Variants in PKP4 observed in about 807,000 individuals in gnomAD.
PKP4 encodes plakophilin 4.
Under a neutral mutation model 145.1 loss-of-function variants are expected in PKP4, and 90 were observed. The observed-to-expected ratio is 0.62, with a 90% CI of 0.52 to 0.74. The LOEUF (loss-of-function observed/expected upper bound fraction) is 0.74, where lower values mean the gene tolerates loss of function less well. Ranked by LOEUF, PKP4 falls within the 30% of genes least tolerant of loss-of-function variation. The pLI is 0.00. For synonymous variants in PKP4, 563 were observed against 577.2 expected (o/e 0.98, Z 0.35); for missense variants, 1,340 against 1,482.7 (o/e 0.90, Z 1.58).
intron 1 of PKP4, among the ~76,000 whole-genome samples, chr2:158,471,555 C>G (rs1233317353): frequency 6.6e-6 from 1 of 152,224 alleles, no homozygotes; most frequent in Non-Finnish European, 1.5e-5. Context: ...GTGCACATCA[C>G]TGCAGTAGCA....
At chr2:158,462,524 G>C (rs1169684428) in intron 1 of PKP4, among the ~76,000 whole-genome samples, 3 of 151,854 alleles carry the variant, frequency 2.0e-5, no homozygotes, top group African/African-American at 4.8e-5. Flanking sequence ...TAATTGTTTT[G>C]TTTTAAAACA....
rs530780198 is a variant in PKP4 at position 158,633,874 on chromosome 2, TAAC to T, written c.1343-193_1343-191del. ...CTTTTGCTGTTTCTTGCTAAAAAAT[TAAC>T]AAAATATTTATGTACATTAAAAACT... On this transcript the variant is annotated intron_variant, in intron 8 of 21. Coordinates refer to ENST00000389759, the MANE Select transcript of PKP4 (RefSeq NM_003628.6). 1.9e-3 allele frequency among the ~76,000 whole-genome samples: 282 copies of T among 152,334 alleles called. 1 individual carries two copies. The highest frequency in any genetic ancestry group is 3.7e-3 in the Non-Finnish European group (251 of 68,032).
At chr2:158,607,567 T>TG in intron 4 of PKP4, among the ~76,000 whole-genome samples, 1 of 151,982 alleles carries the variant, frequency 6.6e-6, no homozygotes. Context: ...GCTGGAGCAG[T>TG]GGGAGGGGCT....
rs1018830442 is a variant in PKP4 at position 158,472,700 on chromosome 2, TAGAGA to T, written c.-6+15484_-6+15488del. Among the ~76,000 whole-genome samples the T allele has an allele frequency of 8.7e-4, 132 of 150,964 alleles. 1 individual carries two copies. Among genetic ancestry groups the T allele is most frequent in the African/African-American group, 3.1e-3 (128 of 41,034 alleles). ...GTCTTTTCAACCAAATTGGGTCAGA[TAGAGA>T]AAAGGAAAAGATCTGCATACTCATT... is the stretch of plus-strand genomic sequence containing the variant. On this transcript the variant is annotated intron_variant, in intron 1 of 21. Coordinates refer to ENST00000389759, the MANE Select transcript of PKP4 (RefSeq NM_003628.6).
At position 158,474,208 on chromosome 2, in the gene PKP4, CAG is replaced by C. The variant is rs140218906; in HGVS notation, c.-6+16993_-6+16994del. On this transcript the variant is annotated intron_variant, in intron 1 of 21. Transcript: ENST00000389759. ...CTGCCCCTAGAGGTCTGAGCAAAGA[CAG>C]AGGGAAGCTCCGAAAGTACAAGACT... Among the ~76,000 whole-genome samples, 424 of 152,336 alleles carry C rather than the reference CAG, an allele frequency of 2.8e-3. 3 individuals are homozygous for C. The highest frequency in any genetic ancestry group is 9.8e-3 in the African/African-American group (406 of 41,578).
At chr2:158,595,323 G>A (rs1371866961) in intron 3 of PKP4, among the ~76,000 whole-genome samples, 1 of 152,158 alleles carries the variant, frequency 6.6e-6, no homozygotes, top group African/African-American at 2.4e-5. Flanking sequence ...CATGCTTATT[G>A]TAAATATAAA....
At chr2:158,538,571 G>A (rs924852666) in intron 2 of PKP4, among the ~76,000 whole-genome samples, 3 of 125,342 alleles carry the variant, frequency 2.4e-5, no homozygotes, top group Admixed American at 1.0e-4. Context: ...ACAGACTCTC[G>A]CTCTGTCATC....
At chr2:158,461,931 T>G (rs1239089486) in intron 1 of PKP4, among the ~76,000 whole-genome samples, 2 of 152,188 alleles carry the variant, frequency 1.3e-5, no homozygotes. Context: ...GACATTGGTG[T>G]CCTGTATTCC....
chr2:158,512,524 G>A (rs181964354), intron 1 of PKP4, among the ~76,000 whole-genome samples: 245 of 152,286 alleles, frequency 1.6e-3, no homozygotes, highest in African/African-American at 5.8e-3. Context: ...GTGCCCATGT[G>A]GCATGGAACA....
intron 14 of PKP4, 83 bp downstream of exon 14, chr2:158,663,171 T>A (rs1338052627): frequency 6.0e-6 from 9 of 1,505,888 alleles, no homozygotes; most frequent in Non-Finnish European, 8.1e-6. Flanking sequence ...AAAATAAATT[T>A]TCTGCATAGC....
Position 158,646,355 on chromosome 2 carries a change from T to C in PKP4, c.1909+3656T>C, listed in dbSNP as rs191604388. ...CTTCATGCAATTGCCATAAGTAAAG[T>C]AGGTTGGACCAGAAGACTTCAGAAA... On this transcript the variant is annotated intron_variant, in intron 11 of 21. Coordinates refer to ENST00000389759, the MANE Select transcript of PKP4 (RefSeq NM_003628.6). Among the ~76,000 whole-genome samples the C allele has an allele frequency of 1.9e-4, 29 of 152,292 alleles. No homozygotes were observed. In the East Asian group the frequency reaches 5.2e-3, roughly 27 times the overall value.
At chr2:158,648,947 G>A (rs1232234651) in intron 11 of PKP4, among the ~76,000 whole-genome samples, 6 of 152,184 alleles carry the variant, frequency 3.9e-5, no homozygotes, top group South Asian at 2.1e-4. Context: ...GCAGCGAGTC[G>A]ACATCGCGCC....
chr2:158,538,165 T>C (rs1237255182), intron 2 of PKP4, among the ~76,000 whole-genome samples: 3 of 152,222 alleles, frequency 2.0e-5, no homozygotes, highest in Non-Finnish European at 4.4e-5. Flanking sequence ...TCGCTGCTTA[T>C]CCAGAGCCTT....
chr2:158,661,345 C>T lies in PKP4; in HGVS notation c.2106C>T (p.Ser702=), dbSNP rs9459. ...NTTGCLRNLS[S]AGEEARKQMR... is the part of the protein sequence containing the mutation. ...TCCACCCCTTTAGGAACCTCAGCTCCGCGGGGGAAGAAGCTCGGAAGCAAA... is the reference window on the plus strand; with the variant it reads ...TCCACCCCTTTAGGAACCTCAGCTCTGCGGGGGAAGAAGCTCGGAAGCAAA... Residue 702 remains serine (S), a synonymous_variant, in exon 13 of 22, where the codon TCC becomes TCT. Coordinates refer to ENST00000389759, the MANE Select transcript of PKP4 (RefSeq NM_003628.6). 38,531 of 1,612,888 alleles carry T rather than the reference C, an allele frequency of 0.024. 1,390 individuals carry two copies. Among genetic ancestry groups the T allele is most frequent in the African/African-American group, 0.16 (12,165 of 74,920 alleles).
At chr2:158,465,485 A>G (rs947031101) in intron 1 of PKP4, among the ~76,000 whole-genome samples, 1 of 152,180 alleles carries the variant, frequency 6.6e-6, no homozygotes, top group Non-Finnish European at 1.5e-5. Context: ...GAGAAACCAT[A>G]ATTTATGCTG....
intron 2 of PKP4, among the ~76,000 whole-genome samples, chr2:158,549,531 C>T (rs1015183357): frequency 1.3e-5 from 2 of 152,080 alleles, no homozygotes; most frequent in Non-Finnish European, 2.9e-5. Context: ...TCTTTCCCCA[C>T]CCTTTGCTAT....
chr2:158,464,325 T>G (rs1438657678), intron 1 of PKP4, among the ~76,000 whole-genome samples: 1 of 152,202 alleles, frequency 6.6e-6, no homozygotes, highest in Non-Finnish European at 1.5e-5. Context: ...TTTTTACATA[T>G]AGACAATCTA....
At chr2:158,566,698 C>T (rs2047017052) in intron 2 of PKP4, among the ~76,000 whole-genome samples, 1 of 152,138 alleles carries the variant, frequency 6.6e-6, no homozygotes, top group African/African-American at 2.4e-5. Context: ...TCCAACTATC[C>T]ATTTTCCTTG....
At chr2:158,610,867 C>A (rs1222307997) in intron 4 of PKP4, among the ~76,000 whole-genome samples, 1 of 152,226 alleles carries the variant, frequency 6.6e-6, no homozygotes, top group Non-Finnish European at 1.5e-5. Context: ...GTCCGTCTTA[C>A]AGGGCTGGAA....
Sources: allele counts gnomAD v4.1 joint callset (sites outside exome capture counted in the v4.1 genomes callset), GRCh38; gene constraint gnomAD v4.1.1; transcripts MANE v1.5; gene names NCBI Gene and HGNC (gene_info 2026-07-23, HGNC 2026-07-21).